The following ADAMTS18 variants were observed in gnomAD, a reference collection of about 807,000 sequenced individuals.
The protein encoded by ADAMTS18 is ADAM metallopeptidase with thrombospondin type 1 motif 18.
A neutral mutation model predicts 165.9 loss-of-function variants in ADAMTS18; 157 were observed. That is an observed-to-expected ratio of 0.95 (90% CI 0.83 to 1.08). ADAMTS18 has a LOEUF of 1.08. Ranked by LOEUF, ADAMTS18 falls within the 50% of genes least tolerant of loss-of-function variation. ADAMTS18 has a pLI of 0.00. For missense variants in ADAMTS18, 2,040 were observed against 1,534.0 expected (o/e 1.33, Z -5.51); for synonymous variants, 782 against 578.2 (o/e 1.35, Z -5.06).
intron 18 of ADAMTS18, 62 bp downstream of exon 18, chr16:77,297,227 A>C: frequency 1.3e-6 from 2 of 1,599,656 alleles, no homozygotes; most frequent in East Asian, 2.2e-5. Flanking sequence ...TCATCATCTC[A>C]TAACAACAAT....
chr16:77,348,201 A>C lies in ADAMTS18; in HGVS notation c.1614+5532T>G, dbSNP rs554649753. ...CCTTTCTGCTGGATTCAGGGGGGAC[A>C]ATAAATAATGTTCCTGTCTCTTCCA... On this transcript the variant is annotated intron_variant, in intron 10 of 22. Coordinates refer to ENST00000282849, the MANE Select transcript of ADAMTS18 (RefSeq NM_199355.4). 2.0e-5 allele frequency among the ~76,000 whole-genome samples: 3 copies of C among 152,260 alleles called. No individual in the cohort carries two copies. The South Asian group carries it at 6.2e-4, about 32-fold the overall frequency.
chr16:77,403,205 T>G (rs2115419), intron 3 of ADAMTS18, among the ~76,000 whole-genome samples: 102,575 of 152,020 alleles, frequency 0.67, 35,513 homozygotes, highest in Non-Finnish European at 0.76. Context: ...GGAAAGAAAA[T>G]AATTAATTAT....
At chr16:77,403,092 T>C (rs1567543542) in intron 3 of ADAMTS18, among the ~76,000 whole-genome samples, 1 of 152,354 alleles carries the variant, frequency 6.6e-6, no homozygotes, top group East Asian at 1.9e-4. Flanking sequence ...TGCAATTTCA[T>C]ACTCACTATA....
intron 15 of ADAMTS18, 136 bp downstream of exon 15, chr16:77,320,943 C>T (rs1164674096): frequency 1.8e-6 from 2 of 1,111,716 alleles, no homozygotes; most frequent in Non-Finnish European, 2.7e-6. Flanking sequence ...CTTACTCTTG[C>T]ACAAGTGAAA....
chr16:77,336,380 C>T lies in ADAMTS18; in HGVS notation c.1711-476G>A, dbSNP rs1053580483. Among the ~76,000 whole-genome samples the T allele has an allele frequency of 5.3e-5, 8 of 152,240 alleles. No individual in the cohort carries two copies. The East Asian group carries it at 7.7e-4, about 15-fold the overall frequency. ...TGAAGTAACAGTTAAGATATTAACA[C>T]GATTTATCATTCTGAATGATTATCT... is the stretch of plus-strand genomic sequence containing the variant. On this transcript the variant is annotated intron_variant, in intron 11 of 22. Coordinates refer to ENST00000282849, the MANE Select transcript of ADAMTS18 (RefSeq NM_199355.4).
intron 16 of ADAMTS18, among the ~76,000 whole-genome samples, chr16:77,315,076 T>C (rs1295643940): frequency 6.6e-6 from 1 of 151,986 alleles, no homozygotes; most frequent in Non-Finnish European, 1.5e-5. Context: ...GCTACTGTTC[T>C]TCCTTAGTAA....
intron 3 of ADAMTS18, among the ~76,000 whole-genome samples, chr16:77,396,758 C>T (rs1308842058): frequency 6.6e-6 from 1 of 151,188 alleles, no homozygotes; most frequent in East Asian, 1.9e-4. Flanking sequence ...ACATTAAACG[C>T]TATTCCAGCT....
chr16:77,319,085 T>C (rs1567477937), intron 16 of ADAMTS18, among the ~76,000 whole-genome samples: 1 of 152,110 alleles, frequency 6.6e-6, no homozygotes, highest in African/African-American at 2.4e-5. Flanking sequence ...TTCTTACCTG[T>C]GGGGAAGCTA....
At chr16:77,378,535 C>T (rs182567547) in intron 3 of ADAMTS18, among the ~76,000 whole-genome samples, 58 of 151,748 alleles carry the variant, frequency 3.8e-4, no homozygotes, top group Non-Finnish European at 5.7e-4. Flanking sequence ...GCTAAAATGG[C>T]GAAACCCTGA....
At chr16:77,295,928 C>A (rs1567460057) in intron 18 of ADAMTS18, among the ~76,000 whole-genome samples, 1 of 151,986 alleles carries the variant, frequency 6.6e-6, no homozygotes, top group Non-Finnish European at 1.5e-5. Context: ...ACTGCAACCT[C>A]TGCCTCCCAG....
chr16:77,407,206 G>C (rs1321027176), intron 3 of ADAMTS18, among the ~76,000 whole-genome samples: 3 of 151,940 alleles, frequency 2.0e-5, no homozygotes, highest in Non-Finnish European at 2.9e-5. Context: ...ATCTGTAGCA[G>C]AAAATTAGAA....
chr16:77,351,114 T>C (rs1003212440), intron 10 of ADAMTS18, among the ~76,000 whole-genome samples: 7 of 152,190 alleles, frequency 4.6e-5, no homozygotes, highest in African/African-American at 1.7e-4. Context: ...CCTGGCAATA[T>C]TTATGATCCT....
intron 10 of ADAMTS18, among the ~76,000 whole-genome samples, chr16:77,343,865 T>C (rs1421826352): frequency 1.3e-5 from 2 of 152,102 alleles, no homozygotes; most frequent in African/African-American, 2.4e-5. Flanking sequence ...TTTCCAAAGA[T>C]AAAAATGTGA....
Position 77,335,883 on chromosome 16 carries a change from C to A in ADAMTS18, c.1732G>T (p.Val578Leu). 1 of 1,614,210 alleles carries A rather than the reference C, an allele frequency of 6.2e-7. No homozygotes were observed. The highest frequency in any genetic ancestry group is 8.5e-7 in the Non-Finnish European group (1 of 1,180,038). Reference protein sequence around the residue: ...LSMWCRQGQCVKFGELGPRPI... With the variant: ...LSMWCRQGQCLKFGELGPRPI... ...CGGGGCCCGAGCTCCCCAAACTTTA[C>A]GCACTGGCCTTGCCGACACCACTGT... is the stretch of plus-strand genomic sequence containing the variant. Residue 578 changes from valine (V) to leucine (L), a missense_variant, in exon 12 of 23, where the codon GTA (valine) becomes TTA (leucine). Val to Leu is a conservative substitution (Grantham distance 32). Coordinates refer to ENST00000282849, the MANE Select transcript of ADAMTS18 (RefSeq NM_199355.4).
At chr16:77,404,244 T>C (rs1409924232) in intron 3 of ADAMTS18, among the ~76,000 whole-genome samples, 1 of 152,106 alleles carries the variant, frequency 6.6e-6, no homozygotes, top group Admixed American at 6.6e-5. Flanking sequence ...CTAAAACAAT[T>C]ATCAAACTCC....
At chr16:77,309,584 T>G (rs1341437542) in intron 16 of ADAMTS18, among the ~76,000 whole-genome samples, 1 of 152,220 alleles carries the variant, frequency 6.6e-6, no homozygotes, top group Non-Finnish European at 1.5e-5. Flanking sequence ...CTGTTTTCTA[T>G]TTAGCTTAAA....
At chr16:77,411,251 C>CAT (rs1203506572) in intron 3 of ADAMTS18, among the ~76,000 whole-genome samples, 3 of 152,220 alleles carry the variant, frequency 2.0e-5, no homozygotes, top group East Asian at 1.9e-4. Context: ...GGCTCCCTGA[C>CAT]ATATATATAT....
chr16:77,350,157 T>C (rs1195304517), intron 10 of ADAMTS18, among the ~76,000 whole-genome samples: 1 of 152,226 alleles, frequency 6.6e-6, no homozygotes, highest in East Asian at 1.9e-4. Context: ...CTCCACTTGT[T>C]ACAGAGGGAA....
At chr16:77,402,363 A>C (rs1431938392) in intron 3 of ADAMTS18, among the ~76,000 whole-genome samples, 2 of 152,186 alleles carry the variant, frequency 1.3e-5, no homozygotes, top group Non-Finnish European at 2.9e-5. Context: ...TTCTGGAAGC[A>C]GGCCTAGGGG....
Sources: gnomAD v4.1 joint callset for allele counts (sites outside exome capture counted in the v4.1 genomes callset) on GRCh38, gnomAD v4.1.1 for gene constraint, MANE v1.5 for transcripts, NCBI Gene and HGNC (gene_info 2026-07-23, HGNC 2026-07-21) for gene names.